Variants in KIAA1328 observed in about 807,000 individuals in gnomAD.
The protein encoded by KIAA1328 is KIAA1328, also known as protein hinderin.
KIAA1328 carries 52 observed loss-of-function variants against 68.1 expected under a neutral mutation model. That is an observed-to-expected ratio of 0.76 (90% CI 0.61 to 0.96). The LOEUF (loss-of-function observed/expected upper bound fraction) is 0.96, where lower values mean the gene tolerates loss of function less well. Among genes scored for constraint, KIAA1328 ranks in the 40% least tolerant of loss-of-function variants. KIAA1328 has a pLI of 0.00. For synonymous variants in KIAA1328, 232 were observed against 239.4 expected, an observed-to-expected ratio of 0.97 and a Z score of 0.28; for missense variants, 641 against 677.6, an observed-to-expected ratio of 0.95 and a Z score of 0.60.
intron 5 of KIAA1328, among the ~76,000 whole-genome samples, chr18:36,901,120 A>G (rs1028482090): frequency 6.6e-6 from 1 of 151,996 alleles, no homozygotes; most frequent in Admixed American, 6.6e-5. Context: ...TGATCTTGAG[A>G]TGCGAGTTTT....
chr18:37,034,190 A>G (rs1217472565), intron 6 of KIAA1328, among the ~76,000 whole-genome samples: 1 of 152,188 alleles, frequency 6.6e-6, no homozygotes, highest in Non-Finnish European at 1.5e-5. Flanking sequence ...GTGCATAGTA[A>G]TAAAACTTAT....
chr18:36,870,330 G>A (rs1405419375), intron 4 of KIAA1328, among the ~76,000 whole-genome samples: 2 of 152,112 alleles, frequency 1.3e-5, no homozygotes, highest in African/African-American at 4.8e-5. Context: ...ATTAATCTAA[G>A]ATACTGGTAT....
intron 6 of KIAA1328, among the ~76,000 whole-genome samples, chr18:37,033,698 A>G (rs1184647280): frequency 3.3e-5 from 5 of 152,124 alleles, no homozygotes; most frequent in Non-Finnish European, 7.4e-5. Context: ...TGATTACTCA[A>G]CTGTTTTTCT....
At chr18:37,148,346 A>G (rs2058951645) in intron 7 of KIAA1328, among the ~76,000 whole-genome samples, 1 of 152,182 alleles carries the variant, frequency 6.6e-6, no homozygotes, top group African/African-American at 2.4e-5. Flanking sequence ...CATGGTGTAT[A>G]TGTACCACAT....
chr18:36,982,155 AAT>A (rs138352182), intron 6 of KIAA1328, among the ~76,000 whole-genome samples: 103,053 of 141,138 alleles, frequency 0.73, 40,674 homozygotes, highest in South Asian at 0.88. Context: ...AAATATATAT[AAT>A]ATATATATAT....
intron 9 of KIAA1328, among the ~76,000 whole-genome samples, chr18:37,214,581 C>G (rs932733526): frequency 6.6e-6 from 1 of 152,142 alleles, no homozygotes; most frequent in Admixed American, 6.6e-5. Flanking sequence ...AGTCAGGTAT[C>G]GTGATGCCTC....
intron 9 of KIAA1328, among the ~76,000 whole-genome samples, chr18:37,203,202 A>G (rs1405281482): frequency 6.6e-6 from 1 of 152,140 alleles, no homozygotes; most frequent in Non-Finnish European, 1.5e-5. Flanking sequence ...AATTTTAACA[A>G]AACCTTATAA....
intron 7 of KIAA1328, among the ~76,000 whole-genome samples, chr18:37,099,383 T>G (rs2057525026): frequency 6.6e-6 from 1 of 152,190 alleles, no homozygotes; most frequent in South Asian, 2.1e-4. Context: ...AGTTGAGCGG[T>G]TTTGAATGAG....
intron 7 of KIAA1328, among the ~76,000 whole-genome samples, chr18:37,147,931 C>T (rs2058940544): frequency 6.6e-6 from 1 of 151,942 alleles, no homozygotes; most frequent in African/African-American, 2.4e-5. Context: ...TATAGTGTAG[C>T]CTATTGCTCC....
chr18:36,832,853 T>C (rs2150756172), intron 1 of KIAA1328: 1 of 151,520 alleles, frequency 6.6e-6, no homozygotes, highest in African/African-American at 2.4e-5. Context: ...TTTTTTTTTT[T>C]TGAGTCAGAG....
chr18:37,051,403 C>T (rs2055688441), intron 6 of KIAA1328, among the ~76,000 whole-genome samples: 1 of 152,054 alleles, frequency 6.6e-6, no homozygotes, highest in Admixed American at 6.6e-5. Flanking sequence ...ACATATGATC[C>T]TCAGAGACTA....
At chr18:37,189,302 A>AT (rs2059860782) in intron 9 of KIAA1328, among the ~76,000 whole-genome samples, 1 of 152,146 alleles carries the variant, frequency 6.6e-6, no homozygotes, top group Admixed American at 6.5e-5. Context: ...AGCTATCAGT[A>AT]TAAGGACAAG....
chr18:36,878,714 T>C (rs923463231), intron 4 of KIAA1328, among the ~76,000 whole-genome samples: 1 of 152,188 alleles, frequency 6.6e-6, no homozygotes, highest in African/African-American at 2.4e-5. Flanking sequence ...GTTCGTTTCT[T>C]TTCATTCTTT....
chr18:36,920,135 A>G (rs935649279), intron 5 of KIAA1328, among the ~76,000 whole-genome samples: 1 of 152,166 alleles, frequency 6.6e-6, no homozygotes. Context: ...GCCAACGCCA[A>G]TATCCAGAAT....
At chr18:36,916,300 A>G (rs1266669351) in intron 5 of KIAA1328, among the ~76,000 whole-genome samples, 1 of 152,018 alleles carries the variant, frequency 6.6e-6, no homozygotes, top group East Asian at 1.9e-4. Flanking sequence ...AGATTAGATG[A>G]TGCATATTGA....
At chr18:36,958,600 A>G (rs759119499) in intron 5 of KIAA1328, among the ~76,000 whole-genome samples, 3 of 152,128 alleles carry the variant, frequency 2.0e-5, no homozygotes, top group Admixed American at 6.5e-5. Context: ...TATGTTGAGT[A>G]TCTCTTCTTA....
chr18:36,836,042 T>C (rs2046662435), intron 3 of KIAA1328, among the ~76,000 whole-genome samples: 1 of 152,194 alleles, frequency 6.6e-6, no homozygotes, highest in Admixed American at 6.5e-5. Context: ...TGCTTTTGTG[T>C]TACAATAGCA....
intron 5 of KIAA1328, among the ~76,000 whole-genome samples, chr18:36,939,355 T>C (rs1381690893): frequency 1.3e-5 from 2 of 152,146 alleles, no homozygotes; most frequent in East Asian, 1.9e-4. Context: ...TTTTATGCTA[T>C]TGTGAATAAG....
chr18:37,159,341 G>C (rs963568558), intron 7 of KIAA1328, among the ~76,000 whole-genome samples: 1 of 152,148 alleles, frequency 6.6e-6, no homozygotes, highest in African/African-American at 2.4e-5. Context: ...GATTCCCTTT[G>C]CTTCTGGGGA....
Sources: gnomAD v4.1 joint callset for allele counts (sites outside exome capture counted in the v4.1 genomes callset) on GRCh38, gnomAD v4.1.1 for gene constraint, MANE v1.5 for transcripts, NCBI Gene and HGNC (gene_info 2026-07-23, HGNC 2026-07-21) for gene names.